Variants in VEPH1 observed in about 807,000 individuals in gnomAD.
VEPH1 encodes ventricular zone expressed PH domain containing 1.
In VEPH1, 80 loss-of-function variants were observed where a neutral mutation model predicts 85.2. The ratio of observed to expected loss-of-function variants is 0.94; its 90% confidence interval spans 0.78 to 1.13. VEPH1 has a LOEUF of 1.13. VEPH1 is among the 50% of genes most tolerant of loss of function. The pLI, the probability that VEPH1 is intolerant of heterozygous loss-of-function variation, is 0.00. For missense variants in VEPH1, 955 were observed against 980.5 expected (o/e 0.97, Z 0.35); for synonymous variants, 297 against 348.0 (o/e 0.85, Z 1.63).
intron 2 of VEPH1, among the ~76,000 whole-genome samples, chr3:157,478,296 G>A (rs1737685909): frequency 6.6e-6 from 1 of 152,024 alleles, no homozygotes; most frequent in East Asian, 1.9e-4. Flanking sequence ...GCATTACAGT[G>A]CAAATTTTTC....
chr3:157,444,084 TCA>T (rs1455435136), intron 4 of VEPH1, among the ~76,000 whole-genome samples: 1 of 152,136 alleles, frequency 6.6e-6, no homozygotes, highest in Non-Finnish European at 1.5e-5. Flanking sequence ...TCAAGCCCCT[TCA>T]CACTGTGGAT....
Position 157,400,223 on chromosome 3 carries a change from G to C in VEPH1, c.906+13658C>G, listed in dbSNP as rs529613472. Among the ~76,000 whole-genome samples, 208 of 152,128 alleles carry C rather than the reference G, an allele frequency of 1.4e-3. 1 individual carries two copies. The highest frequency in any genetic ancestry group is 4.7e-3 in the African/African-American group (197 of 41,526). ...TTTAAAATAAATCCCAGTAATAAAA[G>C]TTGAGAAATAGCTGATGAAAACAGA... On this transcript the variant is annotated intron_variant, in intron 6 of 13. Coordinates refer to ENST00000362010, the MANE Select transcript of VEPH1 (RefSeq NM_001167912.2).
chr3:157,484,223 G>T (rs1738410424), intron 2 of VEPH1, among the ~76,000 whole-genome samples: 1 of 152,064 alleles, frequency 6.6e-6, no homozygotes. Context: ...CAAAATTAAG[G>T]GCAAAAATAA....
intron 2 of VEPH1, among the ~76,000 whole-genome samples, chr3:157,481,899 TGAC>T (rs1205789243): frequency 4.6e-5 from 7 of 152,014 alleles, no homozygotes; most frequent in African/African-American, 1.7e-4. Context: ...GCTAAGTTTT[TGAC>T]TTTGTCAAAA....
At chr3:157,376,164 T>C (rs1432766932) in intron 7 of VEPH1, among the ~76,000 whole-genome samples, 1 of 152,206 alleles carries the variant, frequency 6.6e-6, no homozygotes, top group Non-Finnish European at 1.5e-5. Context: ...CTCCCACTGC[T>C]GCTTTCTCTC....
intron 4 of VEPH1, among the ~76,000 whole-genome samples, chr3:157,439,837 G>A (rs552008317): frequency 2.8e-4 from 43 of 152,194 alleles, no homozygotes; most frequent in African/African-American, 9.4e-4. Flanking sequence ...TGCAAGCTCC[G>A]CCTCCCGGGT....
rs1308841711 is a variant in VEPH1, at chr3:157,455,475, G to A, written c.529+4706C>T. Among the ~76,000 whole-genome samples the A allele has an allele frequency of 5.3e-5, 8 of 151,140 alleles. No homozygotes were observed. The East Asian group carries it at 1.6e-3, about 29-fold the overall frequency. ...GGTACATAGGCAGTTTTTTTATATAGGTAAACTTGTGTCATGGGGGTTTGT... is the reference window on the plus strand; with the variant it reads ...GGTACATAGGCAGTTTTTTTATATAAGTAAACTTGTGTCATGGGGGTTTGT... On this transcript the variant is annotated intron_variant, in intron 4 of 13. Coordinates refer to ENST00000362010, the MANE Select transcript of VEPH1 (RefSeq NM_001167912.2).
chr3:157,369,202 A>AAAAAAAAAAAAAAAAAAC (rs1560001426), intron 7 of VEPH1, among the ~76,000 whole-genome samples: 1 of 148,942 alleles, frequency 6.7e-6, no homozygotes, highest in East Asian at 2.0e-4. Context: ...AAAAAAAAAA[A>AAAAAAAAAAAAAAAAAAC]AACCTCCTGA....
intron 2 of VEPH1, among the ~76,000 whole-genome samples, chr3:157,491,358 T>G (rs887532985): frequency 3.9e-5 from 6 of 152,092 alleles, no homozygotes; most frequent in Admixed American, 3.9e-4. Flanking sequence ...CAATCTCTCT[T>G]GGAGTAGCCT....
At chr3:157,397,524 T>G (rs984579233) in intron 6 of VEPH1, among the ~76,000 whole-genome samples, 2 of 152,342 alleles carry the variant, frequency 1.3e-5, no homozygotes, top group South Asian at 2.1e-4. Context: ...ATGGCCATTT[T>G]CACGATATTG....
At chr3:157,299,019 T>A (rs1718445394) in intron 11 of VEPH1, among the ~76,000 whole-genome samples, 1 of 152,182 alleles carries the variant, frequency 6.6e-6, no homozygotes. Context: ...TTTGAAATAG[T>A]GTTAAGTGTG....
chr3:157,379,991 T>C (rs544291128), intron 7 of VEPH1, among the ~76,000 whole-genome samples: 2 of 152,314 alleles, frequency 1.3e-5, no homozygotes, highest in South Asian at 4.2e-4. Flanking sequence ...CTAAAGGTCA[T>C]AAAGCTTTTT....
chr3:157,327,423 T>C (rs1391359817), intron 9 of VEPH1, among the ~76,000 whole-genome samples: 1 of 152,198 alleles, frequency 6.6e-6, no homozygotes, highest in Non-Finnish European at 1.5e-5. Flanking sequence ...CTTGATCAGC[T>C]CTAGACATAA....
Position 157,317,093 on chromosome 3 carries a change from G to A in VEPH1, c.1844C>T (p.Pro615Leu). 6.2e-7 allele frequency: 1 copy of A among 1,613,520 alleles called. No individual in the cohort carries two copies. Among genetic ancestry groups the A allele is most frequent in the Non-Finnish European group, 8.5e-7 (1 of 1,179,716 alleles). ...SFILISQEPQ[P>L]WIQIMFLFQQ... is the part of the protein sequence containing the mutation. ...AAATAGAAACATGATCTGGATCCATGGCTGAGGTTCTTGGCTGATGAGAAT... is the reference window on the plus strand; with the variant it reads ...AAATAGAAACATGATCTGGATCCATAGCTGAGGTTCTTGGCTGATGAGAAT... Residue 615 changes from proline (P) to leucine (L), a missense_variant, in exon 10 of 14, where the codon CCA becomes CTA. Pro to Leu is a moderately conservative substitution (Grantham distance 98, BLOSUM62 -3). Coordinates refer to ENST00000362010, the MANE Select transcript of VEPH1 (RefSeq NM_001167912.2).
chr3:157,309,860 A>G lies in VEPH1; in HGVS notation c.2010+3761T>C, dbSNP rs149443012. Among the ~76,000 whole-genome samples, 1,048 of 152,128 alleles carry G rather than the reference A, an allele frequency of 6.9e-3. 19 individuals carry two copies. Among genetic ancestry groups the G allele is most frequent in the African/African-American group, 0.024 (990 of 41,488 alleles). ...AGTGGCGGGATCTTGGCTCACTGCA[A>G]TCTCCACCTCCTGGGTTCCAGCAAT... is the stretch of plus-strand genomic sequence containing the variant. On this transcript the variant is annotated intron_variant, in intron 11 of 13. Coordinates refer to ENST00000362010, the MANE Select transcript of VEPH1 (RefSeq NM_001167912.2).
intron 6 of VEPH1, among the ~76,000 whole-genome samples, chr3:157,385,229 A>AC (rs1303740189): frequency 1.3e-5 from 2 of 151,858 alleles, no homozygotes; most frequent in South Asian, 2.1e-4. Flanking sequence ...CAAAAAAAAA[A>AC]AAAAAAACTA....
At chr3:157,315,460 C>G (rs1025647048) in intron 10 of VEPH1, among the ~76,000 whole-genome samples, 1 of 151,948 alleles carries the variant, frequency 6.6e-6, no homozygotes, top group African/African-American at 2.4e-5. Flanking sequence ...TAAACAGGAG[C>G]ATTTAGACTG....
rs1328519397 is a variant in VEPH1 at position 157,260,826 on chromosome 3, A to G, written c.*308T>C. Reference sequence around the variant, plus strand: ...TCACAGTTTTAAATGACATATCTACAGAAGTTCTTTTATCAGTGACTTTTC... The same window carrying G: ...TCACAGTTTTAAATGACATATCTACGGAAGTTCTTTTATCAGTGACTTTTC... On this transcript the variant is annotated 3_prime_UTR_variant, in exon 14 of 14. Coordinates refer to ENST00000362010, the MANE Select transcript of VEPH1 (RefSeq NM_001167912.2). 3.7e-6 allele frequency: 1 copy of G among 268,346 alleles called. No homozygotes were observed. The highest frequency in any genetic ancestry group is 7.1e-6 in the Non-Finnish European group (1 of 141,540). 16.6% of individuals were successfully genotyped at this position (268,346 alleles called of 1,614,324 possible).
rs1727145352 is a variant in VEPH1, at chr3:157,369,184, A to AAAAAAAAAAAAAAC, written c.1128-4673_1128-4672insGTTTTTTTTTTTTT. Among the ~76,000 whole-genome samples the AAAAAAAAAAAAAAC allele has an allele frequency of 1.5e-5, 2 of 136,796 alleles. 1 individual carries two copies. Among genetic ancestry groups the AAAAAAAAAAAAAAC allele is most frequent in the African/African-American group, 5.8e-5 (2 of 34,488 alleles). 89.7% of individuals were successfully genotyped at this position (136,796 alleles called of 152,430 possible). Reference sequence around the variant, plus strand: ...CAACAACAACAAAAACCAAATGAAAAAAAAAAAAAAAAAAAAAAAACCTCC... The same window carrying AAAAAAAAAAAAAAC: ...CAACAACAACAAAAACCAAATGAAAAAAAAAAAAAAAAACAAAAAAAAAAAAAAAAAAAACCTCC... On this transcript the variant is annotated intron_variant, in intron 7 of 13. Coordinates refer to ENST00000362010, the MANE Select transcript of VEPH1 (RefSeq NM_001167912.2).
Sources: gnomAD v4.1 joint callset for allele counts (sites outside exome capture counted in the v4.1 genomes callset) on GRCh38, gnomAD v4.1.1 for gene constraint, MANE v1.5 for transcripts, NCBI Gene and HGNC (gene_info 2026-07-23, HGNC 2026-07-21) for gene names.